The following GPD1L variants were observed in gnomAD, a reference collection of about 807,000 sequenced individuals.
The protein encoded by GPD1L is glycerol-3-phosphate dehydrogenase 1 like, also known as glycerol-3-phosphate dehydrogenase 1-like protein.
In GPD1L, 17 loss-of-function variants were observed where a neutral mutation model predicts 32.9. The ratio of observed to expected loss-of-function variants is 0.52; its 90% CI spans 0.35 to 0.78. GPD1L has a LOEUF of 0.78. GPD1L is among the 30% of genes least tolerant of loss of function. The pLI is 0.01. For synonymous variants in GPD1L, 187 were observed against 165.9 expected (o/e 1.13, Z -0.98); for missense variants, 361 against 447.8 (o/e 0.81, Z 1.75).
In GPD1L at chr3:32,106,876, G is replaced by A; in HGVS notation, c.47+118G>A. 2 of 968,646 alleles carry A rather than the reference G, an allele frequency of 2.1e-6. No homozygotes were observed. The highest frequency in any genetic ancestry group is 2.8e-6 in the Non-Finnish European group (2 of 719,240). 60.0% of individuals were successfully genotyped at this position (968,646 alleles called of 1,614,324 possible). On this transcript the variant is annotated intron_variant, in intron 1 of 7. Transcript: ENST00000282541. This position sits in a 1 kb window ranked among gnomAD's most constrained non-coding sequence, Gnocchi z 4.0. ...CACCGGGCACTGCGCGCAGGGAGGC[G>A]GGGTGGGCGACCTCGTTGCTGGGCT...
chr3:32,146,393 A>T (rs1231074629), intron 4 of GPD1L, among the ~76,000 whole-genome samples: 1 of 152,014 alleles, frequency 6.6e-6, no homozygotes, highest in African/African-American at 2.4e-5. Flanking sequence ...GCCAAAAAAA[A>T]CTTTAGATTC....
intron 1 of GPD1L, among the ~76,000 whole-genome samples, chr3:32,115,521 C>G (rs1284090314): frequency 3.9e-5 from 6 of 152,166 alleles, no homozygotes; most frequent in African/African-American, 1.4e-4. Flanking sequence ...TGGATTTTCT[C>G]TACCCGGTTT....
chr3:32,121,068 C>T (rs1025031140), intron 1 of GPD1L, among the ~76,000 whole-genome samples: 1 of 152,100 alleles, frequency 6.6e-6, no homozygotes, highest in Non-Finnish European at 1.5e-5. Flanking sequence ...TGAAACAGTG[C>T]CTGACACCTG....
intron 2 of GPD1L, among the ~76,000 whole-genome samples, chr3:32,129,934 C>T (rs1231043692): frequency 6.6e-5 from 10 of 152,118 alleles, no homozygotes; most frequent in Non-Finnish European, 1.2e-4. Flanking sequence ...TTCATTGTTA[C>T]ATTCCTCCCA....
intron 2 of GPD1L, among the ~76,000 whole-genome samples, chr3:32,129,475 C>T (rs1052273538): frequency 8.5e-5 from 13 of 152,212 alleles, no homozygotes; most frequent in African/African-American, 3.1e-4. Context: ...CCCTCTTAGG[C>T]TGATACTACT....
At position 32,152,284 on chromosome 3, in the gene GPD1L, A is replaced by G. The variant is rs765395860; in HGVS notation, c.618+5550A>G. On this transcript the variant is annotated intron_variant, in intron 5 of 7. Coordinates refer to ENST00000282541, the MANE Select transcript of GPD1L (RefSeq NM_015141.4). ...TTCTTATGTAAAATCCAGAATGTAT[A>G]TGACAATTCTATTCTATAGAATTCG... 6.6e-5 allele frequency among the ~76,000 whole-genome samples: 10 copies of G among 152,316 alleles called. No homozygotes were observed. In the East Asian group the frequency reaches 1.7e-3, roughly 26 times the overall value.
intron 7 of GPD1L, 78 bp from the exon 8 acceptor site, chr3:32,165,736 T>C (rs1575124964): frequency 1.3e-6 from 1 of 783,344 alleles, no homozygotes; most frequent in East Asian, 2.5e-5. Flanking sequence ...TGCAATCTGT[T>C]AGGACAGAAA....
chr3:32,131,736 G>GT (rs1700589976), intron 2 of GPD1L, among the ~76,000 whole-genome samples: 1 of 152,176 alleles, frequency 6.6e-6, no homozygotes, highest in Non-Finnish European at 1.5e-5. Context: ...TATATACAAT[G>GT]TTTTGTATGA....
At chr3:32,129,608 C>G (rs977015592) in intron 2 of GPD1L, among the ~76,000 whole-genome samples, 3 of 152,168 alleles carry the variant, frequency 2.0e-5, no homozygotes, top group African/African-American at 7.2e-5. Context: ...TCCTGGTGGA[C>G]GCATCCCTGA....
chr3:32,153,873 C>T (rs764451422), intron 5 of GPD1L, among the ~76,000 whole-genome samples: 6 of 152,134 alleles, frequency 3.9e-5, no homozygotes, highest in Non-Finnish European at 5.9e-5. Flanking sequence ...GGAAAGAGTA[C>T]ACTCAAGAGT....
At chr3:32,124,809 C>G (rs569720225) in intron 1 of GPD1L, among the ~76,000 whole-genome samples, 3 of 152,110 alleles carry the variant, frequency 2.0e-5, no homozygotes, top group South Asian at 2.1e-4. Flanking sequence ...CACATGTAGT[C>G]CAGCTACTCG....
chr3:32,156,338 TC>T (rs1691911545), intron 5 of GPD1L, among the ~76,000 whole-genome samples: 1 of 152,226 alleles, frequency 6.6e-6, no homozygotes, highest in African/African-American at 2.4e-5. Flanking sequence ...GGCTGTCAGT[TC>T]CTAGGACCAA....
At chr3:32,153,737 G>A (rs1700951475) in intron 5 of GPD1L, among the ~76,000 whole-genome samples, 1 of 152,196 alleles carries the variant, frequency 6.6e-6, no homozygotes, top group Non-Finnish European at 1.5e-5. Context: ...GTTCTTGCTG[G>A]GTGGTGAGAA....
intron 1 of GPD1L, among the ~76,000 whole-genome samples, chr3:32,115,172 T>C (rs981330609): frequency 6.6e-6 from 1 of 152,198 alleles, no homozygotes; most frequent in African/African-American, 2.4e-5. Context: ...AGAGTGCTGA[T>C]TGATGCATTT....
chr3:32,159,952 G>A (rs574429809), intron 7 of GPD1L, among the ~76,000 whole-genome samples: 19 of 152,262 alleles, frequency 1.2e-4, no homozygotes, highest in Non-Finnish European at 2.5e-4. Flanking sequence ...AGTTTGTCTC[G>A]CAGGGTGTTT....
chr3:32,163,054 G>T (rs142279356), intron 7 of GPD1L, among the ~76,000 whole-genome samples: 15 of 151,794 alleles, frequency 9.9e-5, no homozygotes, highest in African/African-American at 3.6e-4. Flanking sequence ...CACCACGCCT[G>T]GCCTGGCTTT....
intron 2 of GPD1L, among the ~76,000 whole-genome samples, chr3:32,128,696 T>C (rs897241138): frequency 8.5e-5 from 13 of 152,194 alleles, no homozygotes; most frequent in African/African-American, 3.1e-4. Flanking sequence ...TTACCTCTTT[T>C]AAGACACTGT....
intron 7 of GPD1L, among the ~76,000 whole-genome samples, chr3:32,162,703 G>GTATCTCA: frequency 6.6e-6 from 1 of 152,114 alleles, no homozygotes; most frequent in Non-Finnish European, 1.5e-5. Context: ...CTAGGGGTTA[G>GTATCTCA]GACCTAAGCA....
intron 1 of GPD1L, among the ~76,000 whole-genome samples, chr3:32,124,711 A>C (rs1700480476): frequency 6.6e-6 from 1 of 152,170 alleles, no homozygotes; most frequent in African/African-American, 2.4e-5. Flanking sequence ...GGATCGTTTG[A>C]GCCCAGGAGT....
Sources: allele counts gnomAD v4.1 joint callset (sites outside exome capture counted in the v4.1 genomes callset), GRCh38; gene constraint gnomAD v4.1.1; non-coding constraint Gnocchi (gnomAD v3.1); transcripts MANE v1.5; gene names NCBI Gene and HGNC (gene_info 2026-07-23, HGNC 2026-07-21).